The following MECOM variants were observed in gnomAD, a reference collection of about 807,000 sequenced individuals.
MECOM encodes histone-lysine N-methyltransferase MECOM.
In MECOM, 13 loss-of-function variants were observed where a neutral mutation model predicts 116.3. The ratio of observed to expected loss-of-function variants is 0.11; its 90% CI spans 0.07 to 0.18. MECOM has a LOEUF of 0.18. MECOM is among the 10% of genes least tolerant of loss of function. MECOM has a pLI of 1.00. For missense variants in MECOM, 1,299 were observed against 1,509.0 expected (o/e 0.86, Z 2.31); for synonymous variants, 528 against 535.2 (o/e 0.99, Z 0.19).
chr3:169,297,891 T>C (rs1257788915), intron 2 of MECOM, among the ~76,000 whole-genome samples: 1 of 152,228 alleles, frequency 6.6e-6, no homozygotes, highest in African/African-American at 2.4e-5. Flanking sequence ...GTCCTTGTGA[T>C]TTGATACCAT....
intron 2 of MECOM, among the ~76,000 whole-genome samples, chr3:169,153,267 A>G (rs1395008195): frequency 1.3e-5 from 2 of 152,230 alleles, no homozygotes; most frequent in Admixed American, 6.5e-5. Flanking sequence ...AGATATATTC[A>G]AGAAATAAAT....
intron 2 of MECOM, among the ~76,000 whole-genome samples, chr3:169,306,484 C>A (rs558194475): frequency 6.6e-6 from 1 of 152,274 alleles, no homozygotes; most frequent in East Asian, 1.9e-4. Context: ...GAGTTTGAGG[C>A]CAGCCTGGCC....
chr3:169,262,245 A>G (rs1261938357), intron 2 of MECOM, among the ~76,000 whole-genome samples: 2 of 152,232 alleles, frequency 1.3e-5, no homozygotes, highest in African/African-American at 4.8e-5. Context: ...TTCAAAGAAC[A>G]CTGGCACATA....
At chr3:169,536,306 A>G (rs1020511861) in intron 1 of MECOM, among the ~76,000 whole-genome samples, 1 of 151,712 alleles carries the variant, frequency 6.6e-6, no homozygotes, top group African/African-American at 2.4e-5. Flanking sequence ...ATCTGGTGTA[A>G]AAGTTAGTGG....
At chr3:169,265,631 G>T (rs1758183379) in intron 2 of MECOM, among the ~76,000 whole-genome samples, 1 of 152,114 alleles carries the variant, frequency 6.6e-6, no homozygotes, top group South Asian at 2.1e-4. Context: ...ATAGGCCACT[G>T]GCCAGCCTTG....
chr3:169,194,866 C>T (rs1285796653), intron 2 of MECOM, among the ~76,000 whole-genome samples: 1 of 151,986 alleles, frequency 6.6e-6, no homozygotes. Context: ...TTACATTCTG[C>T]GTGCAAATAT....
chr3:169,654,813 AAC>A (rs10622808), intron 1 of MECOM, among the ~76,000 whole-genome samples: 35,434 of 147,806 alleles, frequency 0.24, 4,332 homozygotes, highest in Middle Eastern at 0.31. Context: ...CACCTATCAA[AAC>A]ACACACACAC....
intron 1 of MECOM, among the ~76,000 whole-genome samples, chr3:169,439,784 C>T (rs771165791): frequency 3.3e-5 from 5 of 152,078 alleles, no homozygotes; most frequent in Non-Finnish European, 5.9e-5. Flanking sequence ...ATATGAAAAA[C>T]TGCAAACCCA....
chr3:169,335,434 A>G (rs1723438412), intron 2 of MECOM, among the ~76,000 whole-genome samples: 1 of 152,098 alleles, frequency 6.6e-6, no homozygotes, highest in Admixed American at 6.6e-5. Context: ...CTGTCCCTCT[A>G]TGGCTCTCCT....
chr3:169,304,764 G>A (rs182836190), intron 2 of MECOM, among the ~76,000 whole-genome samples: 46 of 152,214 alleles, frequency 3.0e-4, no homozygotes, highest in Non-Finnish European at 3.2e-4. Flanking sequence ...ATATAACTTT[G>A]GTGTACTTTT....
At chr3:169,482,341 T>TC (rs201483144) in intron 1 of MECOM, among the ~76,000 whole-genome samples, 4 of 135,576 alleles carry the variant, frequency 3.0e-5, no homozygotes, top group East Asian at 2.1e-4. Flanking sequence ...TTTTTTTTTT[T>TC]TTTTTTTTGA....
At chr3:169,263,161 CT>C (rs1369493910) in intron 2 of MECOM, among the ~76,000 whole-genome samples, 1 of 123,198 alleles carries the variant, frequency 8.1e-6, no homozygotes, top group Admixed American at 9.3e-5. Flanking sequence ...CAGAGTCTCG[CT>C]CTGTCACCCA....
chr3:169,220,666 G>T (rs1242760784), intron 2 of MECOM, among the ~76,000 whole-genome samples: 1 of 152,042 alleles, frequency 6.6e-6, no homozygotes, highest in Non-Finnish European at 1.5e-5. Flanking sequence ...GTAGAGACGG[G>T]ATTTCTCCAT....
At chr3:169,453,567 T>C (rs1183481739) in intron 1 of MECOM, among the ~76,000 whole-genome samples, 2 of 152,206 alleles carry the variant, frequency 1.3e-5, no homozygotes, top group Non-Finnish European at 2.9e-5. Context: ...ACTTCTTTAC[T>C]AAATTGGGGT....
intron 1 of MECOM, among the ~76,000 whole-genome samples, chr3:169,630,240 C>A (rs1219546411): frequency 6.6e-6 from 1 of 152,084 alleles, no homozygotes; most frequent in Non-Finnish European, 1.5e-5. Context: ...GCTAAAGACA[C>A]AAAACTTTTG....
intron 1 of MECOM, among the ~76,000 whole-genome samples, chr3:169,490,912 C>T (rs1306162137): frequency 1.3e-5 from 2 of 152,054 alleles, no homozygotes; most frequent in Non-Finnish European, 2.9e-5. Flanking sequence ...TTTGTAGTGA[C>T]AGGGTCTCCT....
intron 2 of MECOM, among the ~76,000 whole-genome samples, chr3:169,363,592 C>T (rs1334122335): frequency 6.6e-6 from 1 of 151,870 alleles, no homozygotes; most frequent in Non-Finnish European, 1.5e-5. Flanking sequence ...TAATAGACTG[C>T]TGGCTCTCTT....
At chr3:169,176,292 C>T (rs1224203123) in intron 2 of MECOM, among the ~76,000 whole-genome samples, 2 of 151,988 alleles carry the variant, frequency 1.3e-5, no homozygotes. Context: ...GGAAGTCTCC[C>T]TCAGGAAAGG....
intron 2 of MECOM, among the ~76,000 whole-genome samples, chr3:169,304,845 T>A (rs565384837): frequency 6.6e-6 from 1 of 152,192 alleles, no homozygotes; most frequent in African/African-American, 2.4e-5. Context: ...TTAGTTTTTA[T>A]AATTAGATAT....
Sources: gnomAD v4.1 joint callset for allele counts (sites outside exome capture counted in the v4.1 genomes callset) on GRCh38, gnomAD v4.1.1 for gene constraint, MANE v1.5 for transcripts, NCBI Gene and HGNC (gene_info 2026-07-23, HGNC 2026-07-21) for gene names.